The following SNX29 variants were observed in gnomAD, a reference collection of about 807,000 sequenced individuals.
The protein encoded by SNX29 is sorting nexin-29.
A neutral mutation model predicts 102.1 loss-of-function variants in SNX29; 78 were observed. The ratio of observed to expected loss-of-function variants is 0.76; its 90% confidence interval spans 0.64 to 0.92. The LOEUF is 0.92. Among genes scored for constraint, SNX29 ranks in the 40% least tolerant of loss-of-function variants. SNX29 has a pLI of 0.00. For missense variants in SNX29, 1,280 were observed against 1,061.7 expected, an observed-to-expected ratio of 1.21 and a Z score of -2.86; for synonymous variants, 580 against 414.5, an observed-to-expected ratio of 1.40 and a Z score of -4.85.
At chr16:12,532,903 A>G (rs2076970283) in intron 20 of SNX29, among the ~76,000 whole-genome samples, 1 of 152,220 alleles carries the variant, frequency 6.6e-6, no homozygotes, top group Non-Finnish European at 1.5e-5. Flanking sequence ...CTAGCCCCAG[A>G]GCGTTAAGAA....
chr16:12,470,375 G>T (rs1300547535), intron 18 of SNX29, among the ~76,000 whole-genome samples: 1 of 152,198 alleles, frequency 6.6e-6, no homozygotes, highest in Non-Finnish European at 1.5e-5. Context: ...TCTCTGTGGG[G>T]TCTGATCCTT....
intron 20 of SNX29, among the ~76,000 whole-genome samples, chr16:12,545,855 C>G (rs549937002): frequency 6.6e-6 from 1 of 152,248 alleles, no homozygotes; most frequent in African/African-American, 2.4e-5. Flanking sequence ...ATCACCTCTC[C>G]TTGAGAGGGT....
At position 12,048,517 on chromosome 16, in the gene SNX29, C is replaced by T. The variant is rs771321622; in HGVS notation, c.645C>T (p.Ser215=). The change falls in exon 7 of 21, where the codon AGC becomes AGT. Residue 215 remains serine, a synonymous_variant. Coordinates refer to ENST00000566228, the MANE Select transcript of SNX29 (RefSeq NM_032167.5). Reference sequence around the variant, plus strand: ...TGAAGGAGTCCACGCAAGGAGTGAGCAGCCTGTTCAGGGAGATCACAGCCT... The same window carrying T: ...TGAAGGAGTCCACGCAAGGAGTGAGTAGCCTGTTCAGGGAGATCACAGCCT... The part of the protein sequence containing the change: ...SLLKESTQGV[S]SLFREITASS... 5 of 1,613,820 alleles carry T rather than the reference C, an allele frequency of 3.1e-6. No homozygotes were observed. In the Admixed American group the frequency reaches 5.0e-5, roughly 16 times the overall value.
chr16:12,557,991 G>C (rs1334415160), intron 20 of SNX29, among the ~76,000 whole-genome samples: 2 of 152,126 alleles, frequency 1.3e-5, no homozygotes, highest in Non-Finnish European at 2.9e-5. Flanking sequence ...TTTTAGCCAC[G>C]GTTGGTTGGG....
At chr16:12,060,013 GTCT>G (rs1567169755) in intron 8 of SNX29, among the ~76,000 whole-genome samples, 2 of 151,920 alleles carry the variant, frequency 1.3e-5, no homozygotes, top group Non-Finnish European at 2.9e-5. Flanking sequence ...ATCTGCTTTG[GTCT>G]TCTTTATCTA....
At chr16:12,116,260 A>T (rs1284757612) in intron 11 of SNX29, among the ~76,000 whole-genome samples, 2 of 152,256 alleles carry the variant, frequency 1.3e-5, no homozygotes, top group Non-Finnish European at 2.9e-5. Context: ...ACAAAGGTTG[A>T]TGGCAACATG....
intron 4 of SNX29, among the ~76,000 whole-genome samples, chr16:12,036,337 T>C (rs1235260315): frequency 2.1e-5 from 3 of 145,514 alleles, no homozygotes; most frequent in Non-Finnish European, 4.6e-5. Flanking sequence ...TTTCTTTCTT[T>C]TTTTTTTTTT....
chr16:12,064,913 A>G (rs2050957043), intron 9 of SNX29, among the ~76,000 whole-genome samples: 1 of 152,168 alleles, frequency 6.6e-6, no homozygotes, highest in Non-Finnish European at 1.5e-5. Flanking sequence ...CTTTTAATGG[A>G]GACTTCCCAC....
intron 13 of SNX29, among the ~76,000 whole-genome samples, chr16:12,195,521 C>T (rs1027057868): frequency 3.3e-5 from 5 of 152,168 alleles, no homozygotes; most frequent in African/African-American, 9.7e-5. Context: ...GCTTGAGCTC[C>T]ATAACTCGAG....
chr16:12,311,875 G>C (rs1045454358), intron 15 of SNX29, among the ~76,000 whole-genome samples: 31 of 152,322 alleles, frequency 2.0e-4, no homozygotes, highest in African/African-American at 6.3e-4. Context: ...GGTTAAATAA[G>C]ATAGAGTTAT....
At chr16:12,523,382 C>T (rs1311350679) in intron 19 of SNX29, among the ~76,000 whole-genome samples, 1 of 152,226 alleles carries the variant, frequency 6.6e-6, no homozygotes, top group African/African-American at 2.4e-5. Context: ...CCTCCACTGC[C>T]TTCTCTCAGC....
At chr16:12,147,188 T>C (rs531325078) in intron 13 of SNX29, among the ~76,000 whole-genome samples, 2 of 152,250 alleles carry the variant, frequency 1.3e-5, no homozygotes, top group Non-Finnish European at 2.9e-5. Flanking sequence ...CAATGCCAGA[T>C]GTTCCCTGAA....
At chr16:12,039,924 A>G (rs1567553766) in intron 4 of SNX29, among the ~76,000 whole-genome samples, 1 of 152,220 alleles carries the variant, frequency 6.6e-6, no homozygotes, top group East Asian at 1.9e-4. Context: ...GTTTACTGCA[A>G]TAGCTGGTGC....
At chr16:12,489,017 T>G (rs1211802255) in intron 19 of SNX29, among the ~76,000 whole-genome samples, 1 of 152,216 alleles carries the variant, frequency 6.6e-6, no homozygotes, top group African/African-American at 2.4e-5. Context: ...TATATCCTTA[T>G]TTAGTCTCTC....
chr16:12,038,761 G>A, intron 4 of SNX29: 1 of 152,248 alleles, frequency 6.6e-6, no homozygotes, highest in East Asian at 1.9e-4. Flanking sequence ...GGAGGGAGGT[G>A]ACTGCATTTT....
At chr16:12,348,829 G>C (rs1288945208) in intron 15 of SNX29, among the ~76,000 whole-genome samples, 1 of 152,132 alleles carries the variant, frequency 6.6e-6, no homozygotes, top group Non-Finnish European at 1.5e-5. Flanking sequence ...AATTAGGGAC[G>C]GTAACACCAC....
At chr16:12,349,326 G>C (rs557615791) in intron 15 of SNX29, among the ~76,000 whole-genome samples, 158 of 152,346 alleles carry the variant, frequency 1.0e-3, no homozygotes, top group African/African-American at 3.5e-3. Context: ...ATGGCTACTA[G>C]AATTCCCTGA....
chr16:12,467,987 C>G (rs1401768826), intron 18 of SNX29, among the ~76,000 whole-genome samples: 1 of 152,052 alleles, frequency 6.6e-6, no homozygotes, highest in Admixed American at 6.6e-5. Flanking sequence ...TCATCATCCT[C>G]TAACATCCCG....
At chr16:12,139,980 CAAAAAAAAA>C (rs59169166) in intron 13 of SNX29, among the ~76,000 whole-genome samples, 1 of 88,548 alleles carries the variant, frequency 1.1e-5, no homozygotes, top group Non-Finnish European at 2.2e-5. Context: ...TACCCTGTCT[CAAAAAAAAA>C]AAAAAAAAAA....
Sources: allele counts gnomAD v4.1 joint callset (sites outside exome capture counted in the v4.1 genomes callset), GRCh38; gene constraint gnomAD v4.1.1; transcripts MANE v1.5; gene names NCBI Gene and HGNC (gene_info 2026-07-23, HGNC 2026-07-21).